TBC1D5: variants seen among roughly 807,000 people sequenced by gnomAD.
The protein encoded by TBC1D5 is TBC1 domain family, member 5.
A neutral mutation model predicts 100.3 loss-of-function variants in TBC1D5; 75 were observed. The ratio of observed to expected loss-of-function variants is 0.75; its 90% confidence interval spans 0.62 to 0.91. TBC1D5 has a LOEUF of 0.91. Ranked by LOEUF, TBC1D5 falls within the 40% of genes least tolerant of loss-of-function variation. TBC1D5 has a pLI of 0.00. For missense variants in TBC1D5, 910 were observed against 942.4 expected, an observed-to-expected ratio of 0.97 and a Z score of 0.45; for synonymous variants, 323 against 325.6, an observed-to-expected ratio of 0.99 and a Z score of 0.09.
At chr3:17,189,749 C>T (rs1434118117) in intron 18 of TBC1D5, among the ~76,000 whole-genome samples, 2 of 152,210 alleles carry the variant, frequency 1.3e-5, no homozygotes, top group Non-Finnish European at 2.9e-5. Flanking sequence ...GTACACATCC[C>T]TTCCTATGCT....
chr3:17,591,256 A>AC (rs2096768493), intron 2 of TBC1D5, among the ~76,000 whole-genome samples: 1 of 121,110 alleles, frequency 8.3e-6, no homozygotes, highest in African/African-American at 3.3e-5. Flanking sequence ...AAAAAAAAAA[A>AC]AAAAAAAAAA....
chr3:17,298,973 T>C (rs931198438), intron 14 of TBC1D5, among the ~76,000 whole-genome samples: 1 of 152,248 alleles, frequency 6.6e-6, no homozygotes, highest in African/African-American at 2.4e-5. Flanking sequence ...CTTTTTTCTA[T>C]ACATACATAC....
At chr3:17,470,669 C>A (rs1188878727) in intron 3 of TBC1D5, among the ~76,000 whole-genome samples, 2 of 151,998 alleles carry the variant, frequency 1.3e-5, no homozygotes, top group East Asian at 3.9e-4. Flanking sequence ...CACCTGTAAT[C>A]CCAGCACTTT....
rs149476052 is a variant in TBC1D5, at chr3:17,227,440, T to C, written c.1588+10723A>G. Among the ~76,000 whole-genome samples the C allele has an allele frequency of 7.2e-3, 1,098 of 152,256 alleles. 13 individuals carry two copies. Among genetic ancestry groups the C allele is most frequent in the Non-Finnish European group, 0.013 (851 of 68,004 alleles). On this transcript the variant is annotated intron_variant, in intron 17 of 21. Coordinates refer to ENST00000253692, the Ensembl canonical transcript of TBC1D5. Reference sequence around the variant, plus strand: ...AAAAAATTTGATGATTATTTCAATGTTTTTTTGGGGGAGGATCAATTATCA... The same window carrying C: ...AAAAAATTTGATGATTATTTCAATGCTTTTTTGGGGGAGGATCAATTATCA...
chr3:17,628,864 T>C (rs1347786524), intron 1 of TBC1D5, among the ~76,000 whole-genome samples: 1 of 152,222 alleles, frequency 6.6e-6, no homozygotes, highest in African/African-American at 2.4e-5. Flanking sequence ...GTATGGCATA[T>C]TAATATACTT....
chr3:17,246,300 T>C (rs989288012), intron 16 of TBC1D5, among the ~76,000 whole-genome samples: 6 of 152,208 alleles, frequency 3.9e-5, no homozygotes, highest in Non-Finnish European at 7.3e-5. Context: ...AAGGATGAGA[T>C]AGCCCATGTT....
intron 13 of TBC1D5, among the ~76,000 whole-genome samples, chr3:17,329,695 A>G (rs964370642): frequency 1.3e-5 from 2 of 152,170 alleles, no homozygotes. Flanking sequence ...CCCTAGTCCA[A>G]TGCTTTTCCC....
chr3:17,680,176 T>C (rs2069253768), intron 1 of TBC1D5, among the ~76,000 whole-genome samples: 2 of 151,428 alleles, frequency 1.3e-5, no homozygotes, highest in African/African-American at 4.9e-5. Context: ...TTTGGTACTC[T>C]GTACTGAGGA....
intron 1 of TBC1D5, among the ~76,000 whole-genome samples, chr3:17,639,274 A>C (rs2064271528): frequency 1.3e-5 from 2 of 152,138 alleles, no homozygotes; most frequent in Non-Finnish European, 2.9e-5. Context: ...GGCACCACAG[A>C]CCAAATATTA....
chr3:17,727,335 C>A (rs922193924), intron 1 of TBC1D5, among the ~76,000 whole-genome samples: 12 of 152,090 alleles, frequency 7.9e-5, no homozygotes, highest in African/African-American at 2.9e-4. Context: ...GAGCCAAGAT[C>A]GTGCCATTGC....
At chr3:17,455,764 G>A (rs1465711434) in intron 3 of TBC1D5, among the ~76,000 whole-genome samples, 1 of 152,086 alleles carries the variant, frequency 6.6e-6, no homozygotes, top group East Asian at 1.9e-4. Flanking sequence ...CCTTGAGGCT[G>A]GGAGGCAGAG....
At chr3:17,274,843 T>G (rs1043446605) in intron 15 of TBC1D5, among the ~76,000 whole-genome samples, 2 of 152,162 alleles carry the variant, frequency 1.3e-5, no homozygotes, top group Non-Finnish European at 2.9e-5. Context: ...ACTAAACAAC[T>G]CCAACTTTTA....
At chr3:17,434,238 A>T (rs1482616462) in intron 3 of TBC1D5, among the ~76,000 whole-genome samples, 3 of 152,096 alleles carry the variant, frequency 2.0e-5, no homozygotes, top group Non-Finnish European at 4.4e-5. Context: ...CCAACCCCAC[A>T]TTTCCCTTCC....
At chr3:17,320,674 A>G (rs892863289) in intron 13 of TBC1D5, among the ~76,000 whole-genome samples, 2 of 152,158 alleles carry the variant, frequency 1.3e-5, no homozygotes, top group African/African-American at 4.8e-5. Context: ...TATATTATTG[A>G]TTCATCTGGT....
intron 2 of TBC1D5, among the ~76,000 whole-genome samples, chr3:17,522,799 T>C (rs73155203): frequency 6.6e-6 from 1 of 152,198 alleles, no homozygotes; most frequent in South Asian, 2.1e-4. Flanking sequence ...ATGTCTAAAA[T>C]CTAAGTACAT....
intron 1 of TBC1D5, among the ~76,000 whole-genome samples, chr3:17,672,851 C>T (rs17043883): frequency 6.6e-6 from 1 of 152,138 alleles, no homozygotes; most frequent in Non-Finnish European, 1.5e-5. Context: ...CTGAAAACAC[C>T]GAGCCCTACA....
chr3:17,678,478 A>C (rs907688043), intron 1 of TBC1D5, among the ~76,000 whole-genome samples: 2 of 148,712 alleles, frequency 1.3e-5, no homozygotes, highest in African/African-American at 5.2e-5. Flanking sequence ...AAACAGAAAG[A>C]AGATCACAAA....
In TBC1D5 at chr3:17,661,587, G is replaced by A. The variant is rs9823304; in HGVS notation, c.-100-37674C>T. On this transcript the variant is annotated intron_variant, in intron 1 of 21. Coordinates refer to ENST00000253692, the Ensembl canonical transcript of TBC1D5. ...ACGATCTCAGCTCACTGCAACCTCC[G>A]CTTCCCAGGTTCAAGCGATTCCCCT... Among the ~76,000 whole-genome samples the A allele has an allele frequency of 2.0e-3, 291 of 149,124 alleles. 2 individuals are homozygous for A. Among genetic ancestry groups the A allele is most frequent in the African/African-American group, 6.7e-3 (271 of 40,400 alleles).
intron 12 of TBC1D5, among the ~76,000 whole-genome samples, chr3:17,373,981 T>A (rs985954453): frequency 6.6e-6 from 1 of 152,144 alleles, no homozygotes; most frequent in African/African-American, 2.4e-5. Flanking sequence ...ATTAAAAGTT[T>A]AATAGGTACA....
Sources: allele counts gnomAD v4.1 joint callset (sites outside exome capture counted in the v4.1 genomes callset), GRCh38; gene constraint gnomAD v4.1.1; transcripts MANE v1.5; gene names NCBI Gene and HGNC (gene_info 2026-07-23, HGNC 2026-07-21).